Variants in ANKRD27 observed in about 807,000 individuals in gnomAD.
ANKRD27 encodes the protein ankyrin repeat domain 27, also known as ankyrin repeat domain-containing protein 27.
A neutral mutation model predicts 129.7 loss-of-function variants in ANKRD27; 112 were observed. The ratio of observed to expected loss-of-function variants is 0.86; its 90% CI spans 0.74 to 1.01. ANKRD27 has a LOEUF of 1.01. Ranked by LOEUF, ANKRD27 falls within the 50% of genes least tolerant of loss-of-function variation. The pLI is 0.00. For synonymous variants in ANKRD27, 516 were observed against 511.2 expected, an observed-to-expected ratio of 1.01 and a Z score of -0.13; for missense variants, 1,258 against 1,300.5, an observed-to-expected ratio of 0.97 and a Z score of 0.50.
At chr19:32,663,016 T>C (rs1442491020) in intron 1 of ANKRD27, among the ~76,000 whole-genome samples, 3 of 152,228 alleles carry the variant, frequency 2.0e-5, no homozygotes, top group African/African-American at 7.2e-5. Flanking sequence ...CACTCCAGCC[T>C]GGGTGACAGA....
At chr19:32,639,047 G>C in intron 12 of ANKRD27, 1 of 451,750 alleles carries the variant, frequency 2.2e-6, no homozygotes, top group Non-Finnish European at 3.9e-6. Flanking sequence ...TGACTATCAA[G>C]GTCAAGAAAT....
intron 22 of ANKRD27, among the ~76,000 whole-genome samples, chr19:32,612,726 G>A (rs777088034): frequency 6.6e-6 from 1 of 152,282 alleles, no homozygotes; most frequent in African/African-American, 2.4e-5. Flanking sequence ...TGGTGCTGGC[G>A]CAAGTGGACA....
chr19:32,603,212 C>T (rs1971678599), intron 25 of ANKRD27, among the ~76,000 whole-genome samples: 1 of 151,930 alleles, frequency 6.6e-6, no homozygotes, highest in Non-Finnish European at 1.5e-5. Context: ...GCACGAGAAT[C>T]GCTTGAACCC....
chr19:32,623,066 A>G lies in ANKRD27; in HGVS notation c.1630-447T>C, dbSNP rs375795011. On this transcript the variant is annotated intron_variant, in intron 17 of 28. Coordinates refer to ENST00000306065, the MANE Select transcript of ANKRD27 (RefSeq NM_032139.3). ...CTCAGCCTCTCACAGTGCTGGAATTATAGATGTGAGCCACTGCGCTCAGCC... is the reference window on the plus strand; with the variant it reads ...CTCAGCCTCTCACAGTGCTGGAATTGTAGATGTGAGCCACTGCGCTCAGCC... 3.5e-4 allele frequency among the ~76,000 whole-genome samples: 53 copies of G among 152,006 alleles called. No individual in the cohort carries two copies. The South Asian group carries it at 1.0e-2, about 29-fold the overall frequency.
intron 15 of ANKRD27, 112 bp downstream of exon 15, chr19:32,627,971 G>T: frequency 4.2e-6 from 4 of 949,396 alleles, no homozygotes; most frequent in Non-Finnish European, 6.6e-6. Context: ...CCACGATGCA[G>T]CCCCAACTGC....
At position 32,607,743 on chromosome 19, in the gene ANKRD27, G is replaced by C. The variant is rs772827667; in HGVS notation, c.2265C>G (p.Gly755=). ...SSPLHVAALH[G]RADLIPLLLK... ...GCAGGAGGGGGATGAGGTCCGCCCG[G>C]CCGTGCAGGGCGGCGACATGCAGCG... Residue 755 remains glycine, a synonymous_variant, in exon 23 of 29, where the codon GGC becomes GGG. Transcript: ENST00000306065. 1.9e-6 allele frequency: 3 copies of C among 1,612,904 alleles called. No homozygotes were observed. The highest frequency in any genetic ancestry group is 2.5e-6 in the Non-Finnish European group (3 of 1,179,592).
At chr19:32,619,235 C>T in intron 20 of ANKRD27, 25 bp downstream of exon 20, 1 of 1,602,152 alleles carries the variant, frequency 6.2e-7, no homozygotes, top group Non-Finnish European at 8.5e-7. Flanking sequence ...CCTCCCCTCC[C>T]CAGCCCTTCC....
intron 2 of ANKRD27, among the ~76,000 whole-genome samples, chr19:32,656,112 GA>G (rs750226601): frequency 0.043 from 4,764 of 109,888 alleles, 298 homozygotes; most frequent in African/African-American, 0.15. Flanking sequence ...AGAAAGAAAA[GA>G]AAAGAAAAGA....
chr19:32,600,559 C>G (rs539460969), intron 26 of ANKRD27, among the ~76,000 whole-genome samples: 1 of 152,036 alleles, frequency 6.6e-6, no homozygotes, highest in African/African-American at 2.4e-5. Flanking sequence ...GCTACAAAAT[C>G]CGAGACATTT....
Position 32,598,081 on chromosome 19 carries a change from C to G in ANKRD27, c.*64G>C. ...CACATTTAGTTCTCAGATGTGTTCA[C>G]GCTCAGCATCATCTTGTTGCATCCT... On this transcript the variant is annotated 3_prime_UTR_variant, in exon 29 of 29. Transcript: ENST00000306065. 6.8e-7 allele frequency: 1 copy of G among 1,463,696 alleles called. No homozygotes were observed. The highest frequency in any genetic ancestry group is 1.2e-5 in the South Asian group (1 of 86,894). The allele number at this position is 1,463,696 out of a possible 1,614,324, so 90.7% of individuals were successfully genotyped here.
Position 32,673,655 on chromosome 19 carries a change from G to C in ANKRD27, c.-31+1416C>G, listed in dbSNP as rs149646832. Among the ~76,000 whole-genome samples the C allele has an allele frequency of 5.3e-5, 8 of 152,254 alleles. No homozygotes were observed. The East Asian group carries it at 1.2e-3, about 22-fold the overall frequency. On this transcript the variant is annotated intron_variant, in intron 1 of 28. Transcript: ENST00000306065. ...CCCCCTGGGAACGACCCTATGTAGC[G>C]TGTGGGTGGCTGAGAACCCCCCTTC... is the stretch of plus-strand genomic sequence containing the variant.
chr19:32,640,991 C>CG (rs1229364328), intron 10 of ANKRD27, among the ~76,000 whole-genome samples: 3 of 151,978 alleles, frequency 2.0e-5, no homozygotes, highest in Non-Finnish European at 4.4e-5. Flanking sequence ...CTCCGCCTCC[C>CG]GGGTTCACGC....
At chr19:32,640,749 T>G (rs1181453668) in intron 10 of ANKRD27, among the ~76,000 whole-genome samples, 1 of 151,950 alleles carries the variant, frequency 6.6e-6, no homozygotes, top group Non-Finnish European at 1.5e-5. Context: ...CAAAAAAATA[T>G]GAAAATTAGC....
At chr19:32,665,922 C>G (rs1967745894) in intron 1 of ANKRD27, among the ~76,000 whole-genome samples, 1 of 151,788 alleles carries the variant, frequency 6.6e-6, no homozygotes, top group South Asian at 2.1e-4. Flanking sequence ...GCCACAACAC[C>G]AGCTAACTTT....
chr19:32,601,068 G>A (rs1372868716), intron 26 of ANKRD27, among the ~76,000 whole-genome samples: 1 of 152,166 alleles, frequency 6.6e-6, no homozygotes, highest in Non-Finnish European at 1.5e-5. Flanking sequence ...GGAGGCCAAG[G>A]AGGGCGGATC....
At chr19:32,630,892 A>C (rs935507814) in intron 13 of ANKRD27, among the ~76,000 whole-genome samples, 4 of 152,082 alleles carry the variant, frequency 2.6e-5, no homozygotes, top group African/African-American at 9.7e-5. Context: ...TCGGCCTCCC[A>C]AAGTGCTGGG....
At chr19:32,647,735 G>A (rs1303388523) in intron 3 of ANKRD27, among the ~76,000 whole-genome samples, 1 of 152,202 alleles carries the variant, frequency 6.6e-6, no homozygotes, top group Admixed American at 6.5e-5. Context: ...TGGACACCTA[G>A]ATCTACAAAA....
At position 32,598,365 on chromosome 19, in the gene ANKRD27, C is replaced by G. The variant is rs575861049; in HGVS notation, c.2933G>C (p.Ser978Thr). 6.8e-6 allele frequency: 11 copies of G among 1,614,216 alleles called. No homozygotes were observed. Among genetic ancestry groups the G allele is most frequent in the South Asian group, 4.4e-5 (4 of 91,090 alleles). ...CAGGTTATTCTGTCTCAGTGTGACA[C>G]TTTGCCTCCCTGGCTAAAGAAAAAG... ...EGSLHEPGRQ[S>T]VTLRQNNLPA... is the part of the protein sequence containing the mutation. The change falls in exon 29 of 29, where the codon AGT becomes ACT. Residue 978 changes from serine to threonine, a missense_variant. Transcript: ENST00000306065.
chr19:32,643,697 C>T (rs1599761274), intron 5 of ANKRD27, 66 bp from the exon 6 acceptor site: 11 of 1,531,694 alleles, frequency 7.2e-6, no homozygotes, highest in East Asian at 6.8e-5. Context: ...GGAGCCGGAG[C>T]GGGTAAGGCG....
Sources: allele counts gnomAD v4.1 joint callset (sites outside exome capture counted in the v4.1 genomes callset), GRCh38; gene constraint gnomAD v4.1.1; transcripts MANE v1.5; gene names NCBI Gene and HGNC (gene_info 2026-07-23, HGNC 2026-07-21).